MLIP: variants seen among roughly 807,000 people sequenced by gnomAD.
MLIP encodes the protein muscular LMNA-interacting protein.
Under a neutral mutation model 84.8 loss-of-function variants are expected in MLIP, and 79 were observed. That is an observed-to-expected ratio of 0.93 (90% CI 0.78 to 1.12). The LOEUF (loss-of-function observed/expected upper bound fraction) is 1.12. Ranked by LOEUF, MLIP falls within the 50% of genes most tolerant of loss-of-function variation. The pLI, the probability that MLIP is intolerant of heterozygous loss-of-function variation, is 0.00. For synonymous variants in MLIP, 504 were observed against 463.0 expected, an observed-to-expected ratio of 1.09 and a Z score of -1.14; for missense variants, 1,257 against 1,160.6, an observed-to-expected ratio of 1.08 and a Z score of -1.21.
intron 11 of MLIP, among the ~76,000 whole-genome samples, chr6:54,229,576 G>C (rs9885975): frequency 0.12 from 17,546 of 152,070 alleles, 1,318 homozygotes; most frequent in East Asian, 0.2. Flanking sequence ...GTGTTCATGT[G>C]TTCTTATTTT....
In MLIP at chr6:54,189,921, A is replaced by G. The variant is rs756912772; in HGVS notation, c.2589+7A>G. On this transcript the variant is annotated splice_region_variant and intron_variant, in intron 10 of 13. Coordinates refer to ENST00000502396, the MANE Select transcript of MLIP (RefSeq NM_001281747.2). ...AGTATCTGAGAGTCAGCTGGTATGT[A>G]TCTTCTAAGTCACAGATCTACTGCA... The G allele has an allele frequency of 6.3e-7, 1 of 1,593,600 alleles. No homozygotes were observed. Among genetic ancestry groups the G allele is most frequent in the Non-Finnish European group, 8.6e-7 (1 of 1,162,352 alleles).
chr6:54,262,241 G>A (rs972778074), intron 13 of MLIP, among the ~76,000 whole-genome samples: 1 of 152,032 alleles, frequency 6.6e-6, no homozygotes, highest in Non-Finnish European at 1.5e-5. Context: ...CACTAGGGTA[G>A]TAGAGAAAGA....
chr6:54,134,846 A>T (rs1004197887), intron 3 of MLIP, among the ~76,000 whole-genome samples: 2 of 152,108 alleles, frequency 1.3e-5, no homozygotes, highest in African/African-American at 4.8e-5. Flanking sequence ...ATTAATTTAC[A>T]GAATTCTTTA....
chr6:54,047,773 A>G (rs1765151104), intron 1 of MLIP, among the ~76,000 whole-genome samples: 1 of 152,258 alleles, frequency 6.6e-6, no homozygotes, highest in African/African-American at 2.4e-5. Context: ...ACTCTGTGAC[A>G]GTTACTGTGC....
At chr6:54,206,970 A>G (rs1362929015) in intron 11 of MLIP, among the ~76,000 whole-genome samples, 1 of 152,198 alleles carries the variant, frequency 6.6e-6, no homozygotes, top group Non-Finnish European at 1.5e-5. Flanking sequence ...CTAACATTTT[A>G]TTGAGAAATA....
chr6:54,231,819 G>A (rs1781024452), intron 12 of MLIP, among the ~76,000 whole-genome samples: 1 of 152,072 alleles, frequency 6.6e-6, no homozygotes, highest in Non-Finnish European at 1.5e-5. Context: ...AATGTAGTTG[G>A]ATAATACTTC....
chr6:54,249,705 TGAG>T (rs1455745648), intron 12 of MLIP, among the ~76,000 whole-genome samples: 3 of 140,854 alleles, frequency 2.1e-5, no homozygotes, highest in African/African-American at 8.7e-5. Flanking sequence ...TTTGGGGAAA[TGAG>T]GAACACACAC....
Position 54,160,740 on chromosome 6 carries a change from C to A in MLIP, c.2440C>A (p.His814Asn), listed in dbSNP as rs1582333142. 2 of 1,575,510 alleles carry A rather than the reference C, an allele frequency of 1.3e-6. No individual in the cohort carries two copies. Among genetic ancestry groups the A allele is most frequent in the Non-Finnish European group, 1.7e-6 (2 of 1,146,592 alleles). ...TTTCCTTCCTTTCTTTTTTTTTCAG[C>A]ATTCTTCTGATTCTCCTTCAAGGTC... is the stretch of plus-strand genomic sequence containing the variant. ...DKVLQDSLSM[H>N]SSDSPSRSPK... Residue 814 changes from histidine (H) to asparagine (N), a missense_variant and splice_region_variant, in exon 8 of 14, where the codon CAT becomes AAT. By Grantham distance (68) the His-to-Asn change is moderately conservative (BLOSUM62 1). Transcript: ENST00000502396.
At chr6:54,225,479 C>T (rs1333074813) in intron 11 of MLIP, among the ~76,000 whole-genome samples, 4 of 152,276 alleles carry the variant, frequency 2.6e-5, no homozygotes, top group African/African-American at 9.6e-5. Flanking sequence ...TTCATGATGA[C>T]AACTCTAATA....
chr6:54,123,754 AC>A (rs1770668406), intron 2 of MLIP, among the ~76,000 whole-genome samples: 1 of 152,256 alleles, frequency 6.6e-6, no homozygotes, highest in Non-Finnish European at 1.5e-5. Context: ...GGTCTTTTAA[AC>A]ACAATCTCAG....
In MLIP at chr6:54,185,535, C is replaced by T. The variant is rs866574034; in HGVS notation, c.2545-4335C>T. Among the ~76,000 whole-genome samples the T allele has an allele frequency of 5.0e-4, 76 of 152,042 alleles. 1 individual carries two copies. The highest frequency in any genetic ancestry group is 1.7e-3 in the African/African-American group (70 of 41,468). Reference sequence around the variant, plus strand: ...TCCTAATTTAATTAATATGTTTGAGCCTTTTCTCTCTTTTCCCCATGATAA... The same window carrying T: ...TCCTAATTTAATTAATATGTTTGAGTCTTTTCTCTCTTTTCCCCATGATAA... On this transcript the variant is annotated intron_variant, in intron 9 of 13. Coordinates refer to ENST00000502396, the MANE Select transcript of MLIP (RefSeq NM_001281747.2).
rs1356770714 is a variant in MLIP, at chr6:54,266,042, T to C, written c.*87T>C. ...CTTGCTAGATTTAACTTTTTTTTTTTTTTCCAGAATGAGTGCTCCCTTTAT... is the reference window on the plus strand; with the variant it reads ...CTTGCTAGATTTAACTTTTTTTTTTCTTTCCAGAATGAGTGCTCCCTTTAT... On this transcript the variant is annotated 3_prime_UTR_variant, in exon 14 of 14. Coordinates refer to ENST00000502396, the MANE Select transcript of MLIP (RefSeq NM_001281747.2). 4.9e-6 allele frequency: 7 copies of C among 1,414,936 alleles called. No homozygotes were observed. The African/African-American group carries it at 1.0e-4, about 20-fold the overall frequency. The allele number at this position is 1,414,936 out of a possible 1,614,324, so 87.6% of individuals were successfully genotyped here.
At chr6:54,053,958 C>T (rs1765506939) in intron 1 of MLIP, among the ~76,000 whole-genome samples, 1 of 152,178 alleles carries the variant, frequency 6.6e-6, no homozygotes, top group Non-Finnish European at 1.5e-5. Context: ...GCCTGTGGTG[C>T]TGTTTATGAG....
chr6:54,252,260 CATATA>C (rs1341987718), intron 12 of MLIP, among the ~76,000 whole-genome samples: 10 of 110,086 alleles, frequency 9.1e-5, no homozygotes, highest in East Asian at 5.6e-4. Flanking sequence ...TATATTATAA[CATATA>C]ATATATAATA....
rs150904543 is a variant in MLIP, at chr6:54,264,934, G to A, written c.2977-1016G>A. Reference sequence around the variant, plus strand: ...ATACTTTCTCATAATAATGCAGAATGTAACCGCGATTCACAATCCTGTTTA... The same window carrying A: ...ATACTTTCTCATAATAATGCAGAATATAACCGCGATTCACAATCCTGTTTA... On this transcript the variant is annotated intron_variant, in intron 13 of 13. Coordinates refer to ENST00000502396, the MANE Select transcript of MLIP (RefSeq NM_001281747.2). Among the ~76,000 whole-genome samples, 140 of 152,164 alleles carry A rather than the reference G, an allele frequency of 9.2e-4. 1 individual carries two copies. In the East Asian group the frequency reaches 0.022, roughly 24 times the overall value.
At chr6:54,050,588 T>G (rs1455691214) in intron 1 of MLIP, among the ~76,000 whole-genome samples, 1 of 152,160 alleles carries the variant, frequency 6.6e-6, no homozygotes, top group Non-Finnish European at 1.5e-5. Flanking sequence ...AATTTGAGTT[T>G]TTTTGTTTTT....
At chr6:54,029,363 T>A (rs1763998023) in intron 1 of MLIP, 1 of 152,272 alleles carries the variant, frequency 6.6e-6, no homozygotes, top group South Asian at 2.1e-4. Flanking sequence ...CTTGAGGGAA[T>A]GAGTTCATTC....
At chr6:54,105,655 G>A (rs1232011516) in intron 1 of MLIP, among the ~76,000 whole-genome samples, 2 of 152,116 alleles carry the variant, frequency 1.3e-5, no homozygotes, top group Non-Finnish European at 2.9e-5. Flanking sequence ...GGCTAAGACG[G>A]GTAGAGAGTG....
At chr6:54,112,735 T>C (rs1769575044) in intron 1 of MLIP, among the ~76,000 whole-genome samples, 1 of 152,196 alleles carries the variant, frequency 6.6e-6, no homozygotes, top group Non-Finnish European at 1.5e-5. Context: ...TTTAGGAAAA[T>C]ATAACAATAA....
Sources: gnomAD v4.1 joint callset for allele counts (sites outside exome capture counted in the v4.1 genomes callset) on GRCh38, gnomAD v4.1.1 for gene constraint, MANE v1.5 for transcripts, NCBI Gene and HGNC (gene_info 2026-07-23, HGNC 2026-07-21) for gene names.